Variants in OPCML observed in about 807,000 individuals in gnomAD.
OPCML encodes opioid-binding protein/cell adhesion molecule.
In OPCML, 13 loss-of-function variants were observed where a neutral mutation model predicts 37.8. That is an observed-to-expected ratio of 0.34 (90% CI 0.22 to 0.55). The LOEUF (loss-of-function observed/expected upper bound fraction) is 0.55, where lower values mean the gene tolerates loss of function less well. Among genes scored for constraint, OPCML ranks in the 20% least tolerant of loss-of-function variants. The probability of loss-of-function intolerance (pLI) is 0.91; values close to 1 mark genes in which losing one functional copy is unlikely to be tolerated. For missense variants in OPCML, 341 were observed against 435.6 expected, an observed-to-expected ratio of 0.78 and a Z score of 1.93; for synonymous variants, 176 against 168.8, an observed-to-expected ratio of 1.04 and a Z score of -0.33.
At chr11:132,973,400 C>A (rs924586848) in intron 1 of OPCML, among the ~76,000 whole-genome samples, 2 of 152,212 alleles carry the variant, frequency 1.3e-5, no homozygotes, top group African/African-American at 4.8e-5. Context: ...TTTGCAACTT[C>A]CTGGCCATTG....
intron 1 of OPCML, among the ~76,000 whole-genome samples, chr11:133,049,956 T>C (rs1413200420): frequency 6.6e-6 from 1 of 152,240 alleles, no homozygotes; most frequent in East Asian, 1.9e-4. Context: ...GGTGCTCCTG[T>C]ACAAGGATTT....
intron 1 of OPCML, among the ~76,000 whole-genome samples, chr11:133,329,206 A>T (rs1221214880): frequency 6.6e-6 from 1 of 152,204 alleles, no homozygotes; most frequent in African/African-American, 2.4e-5. Flanking sequence ...ATGGAAGAAC[A>T]TTCCACGCTC....
intron 2 of OPCML, among the ~76,000 whole-genome samples, chr11:132,811,512 T>G (rs987207578): frequency 2.0e-5 from 3 of 152,160 alleles, no homozygotes; most frequent in Non-Finnish European, 4.4e-5. Flanking sequence ...AAGTGGCTGT[T>G]TTGGTTTAAA....
intron 3 of OPCML, among the ~76,000 whole-genome samples, chr11:132,653,168 T>A (rs995959571): frequency 3.3e-5 from 5 of 152,166 alleles, no homozygotes; most frequent in African/African-American, 1.2e-4. Context: ...TCTTTCCGAG[T>A]GGCATAGGAT....
At chr11:133,185,497 A>T in intron 1 of OPCML, among the ~76,000 whole-genome samples, 1 of 152,226 alleles carries the variant, frequency 6.6e-6, no homozygotes, top group Non-Finnish European at 1.5e-5. Context: ...AGGAAGGACA[A>T]AATGGTCCAG....
At chr11:133,468,946 C>T (rs1318881977) in intron 1 of OPCML, among the ~76,000 whole-genome samples, 2 of 152,116 alleles carry the variant, frequency 1.3e-5, no homozygotes, top group East Asian at 1.9e-4. Context: ...TAAGCACCAT[C>T]CCACAGGGAA....
At chr11:132,529,857 C>T (rs897553075) in intron 3 of OPCML, among the ~76,000 whole-genome samples, 2 of 152,164 alleles carry the variant, frequency 1.3e-5, no homozygotes, top group Non-Finnish European at 2.9e-5. Context: ...GTTACTGTAA[C>T]CATGAGATTG....
At chr11:132,948,871 AT>A (rs1454641011) in intron 1 of OPCML, among the ~76,000 whole-genome samples, 13 of 152,212 alleles carry the variant, frequency 8.5e-5, no homozygotes, top group Non-Finnish European at 4.4e-5. Context: ...CAAACTAGAG[AT>A]TCTACTCAGA....
At chr11:132,727,878 C>T (rs953234263) in intron 2 of OPCML, among the ~76,000 whole-genome samples, 2 of 152,186 alleles carry the variant, frequency 1.3e-5, no homozygotes, top group African/African-American at 4.8e-5. Flanking sequence ...AGGCCGAGTG[C>T]AGGCCAAGAT....
chr11:133,245,999 A>C (rs1940909083), intron 1 of OPCML, among the ~76,000 whole-genome samples: 1 of 152,112 alleles, frequency 6.6e-6, no homozygotes, highest in Non-Finnish European at 1.5e-5. Flanking sequence ...GGAGAGCATT[A>C]GGACAATGCA....
intron 4 of OPCML, among the ~76,000 whole-genome samples, chr11:132,464,229 T>C (rs774332480): frequency 7.9e-5 from 12 of 152,180 alleles, no homozygotes; most frequent in Admixed American, 3.9e-4. Flanking sequence ...TTCATGTCTC[T>C]GTCTGGAAGT....
intron 7 of OPCML, among the ~76,000 whole-genome samples, chr11:132,435,725 C>A (rs1487753391): frequency 2.0e-5 from 3 of 152,196 alleles, no homozygotes; most frequent in Non-Finnish European, 4.4e-5. Context: ...TTTAAAGCAA[C>A]AAATATCACC....
intron 1 of OPCML, chr11:133,065,901 C>G (rs972614399): frequency 1.3e-5 from 2 of 152,512 alleles, no homozygotes; most frequent in African/African-American, 2.4e-5. Flanking sequence ...TACTGAATCC[C>G]GATACAACAC....
intron 2 of OPCML, among the ~76,000 whole-genome samples, chr11:132,755,869 C>T (rs1466588314): frequency 2.0e-5 from 3 of 152,150 alleles, no homozygotes; most frequent in Non-Finnish European, 4.4e-5. Context: ...TGGTGAGGAG[C>T]ACACCACCCC....
At chr11:133,057,891 AAATT>A (rs1189763467) in intron 1 of OPCML, among the ~76,000 whole-genome samples, 1 of 152,174 alleles carries the variant, frequency 6.6e-6, no homozygotes, top group African/African-American at 2.4e-5. Context: ...GCAATATAAA[AAATT>A]AATTAAACAC....
At chr11:133,334,914 C>T (rs1943709490) in intron 1 of OPCML, among the ~76,000 whole-genome samples, 1 of 152,182 alleles carries the variant, frequency 6.6e-6, no homozygotes, top group South Asian at 2.1e-4. Flanking sequence ...TGATGATGTG[C>T]TGTCTCTGCT....
At chr11:132,826,005 CTCTT>C (rs1940306418) in intron 2 of OPCML, among the ~76,000 whole-genome samples, 1 of 152,180 alleles carries the variant, frequency 6.6e-6, no homozygotes, top group Non-Finnish European at 1.5e-5. Flanking sequence ...CTTTTCCAGA[CTCTT>C]TCAGAATAAT....
At chr11:133,519,768 C>T (rs1347780545) in intron 1 of OPCML, among the ~76,000 whole-genome samples, 1 of 152,196 alleles carries the variant, frequency 6.6e-6, no homozygotes, top group Non-Finnish European at 1.5e-5. Flanking sequence ...GCTTCTCCCG[C>T]ACCTCTAATC....
At chr11:133,183,995 T>G (rs551037998) in intron 1 of OPCML, among the ~76,000 whole-genome samples, 1 of 152,182 alleles carries the variant, frequency 6.6e-6, no homozygotes, top group Non-Finnish European at 1.5e-5. Context: ...CCCATTACCA[T>G]GTTTGATAAA....
Sources: allele counts gnomAD v4.1 joint callset (sites outside exome capture counted in the v4.1 genomes callset), GRCh38; gene constraint gnomAD v4.1.1; transcripts MANE v1.5; gene names NCBI Gene and HGNC (gene_info 2026-07-23, HGNC 2026-07-21).